SIPA1L1: variants seen among roughly 807,000 people sequenced by gnomAD.
SIPA1L1 encodes the protein signal induced proliferation associated 1 like 1.
A neutral mutation model predicts 162.7 loss-of-function variants in SIPA1L1; 26 were observed. That is an observed-to-expected ratio of 0.16 (90% CI 0.12 to 0.22). The LOEUF (loss-of-function observed/expected upper bound fraction) is 0.22. SIPA1L1 is among the 10% of genes least tolerant of loss of function. The probability of loss-of-function intolerance (pLI) is 1.00; values close to 1 mark genes in which losing one functional copy is unlikely to be tolerated. For missense variants in SIPA1L1, 1,874 were observed against 2,241.0 expected (o/e 0.84, Z 3.31); for synonymous variants, 829 against 837.4 (o/e 0.99, Z 0.17).
intron 2 of SIPA1L1, among the ~76,000 whole-genome samples, chr14:71,397,832 A>G (rs185676294): frequency 1.5e-3 from 225 of 152,146 alleles, no homozygotes; most frequent in Non-Finnish European, 2.6e-3. Context: ...AAAAGCCACT[A>G]TTTCATCTTG....
intron 7 of SIPA1L1, among the ~76,000 whole-genome samples, chr14:71,646,697 C>G (rs1411658805): frequency 6.6e-6 from 1 of 152,214 alleles, no homozygotes; most frequent in Non-Finnish European, 1.5e-5. Flanking sequence ...CAGCACTTCC[C>G]TCAGTGCTTC....
At chr14:71,545,598 T>C (rs1219991651) in intron 4 of SIPA1L1, among the ~76,000 whole-genome samples, 1 of 152,146 alleles carries the variant, frequency 6.6e-6, no homozygotes, top group Non-Finnish European at 1.5e-5. Context: ...TGTGTGTGTG[T>C]GTGTAGTTGT....
chr14:71,497,719 G>T (rs920818809), intron 2 of SIPA1L1: 1 of 152,180 alleles, frequency 6.6e-6, no homozygotes, highest in East Asian at 1.9e-4. Flanking sequence ...CCATTGTGTG[G>T]ATATACCAAT....
chr14:71,732,008 A>G (rs779102924), intron 20 of SIPA1L1, among the ~76,000 whole-genome samples: 2 of 152,226 alleles, frequency 1.3e-5, no homozygotes, highest in Non-Finnish European at 2.9e-5. Flanking sequence ...ATAAAAGGGC[A>G]GAAGGGTTGT....
Position 71,685,502 on chromosome 14 carries a change from C to T in SIPA1L1, c.3245C>T (p.Pro1082Leu), listed in dbSNP as rs756971961. ...ASKGPHSPQV[P>L]SQVQSPMTSR... ...AAGGGGCCTCATTCACCTCAAGTCCCGTCCCAGGTGCAGAGTCCCATGACC... is the reference window on the plus strand; with the variant it reads ...AAGGGGCCTCATTCACCTCAAGTCCTGTCCCAGGTGCAGAGTCCCATGACC... The change falls in exon 13 of 24, where the codon CCG (proline) becomes CTG (leucine). Residue 1082 changes from proline to leucine, a missense_variant. Physicochemically the swap from Pro to Leu is moderately conservative, Grantham distance 98. Coordinates refer to ENST00000381232, the MANE Select transcript of SIPA1L1 (RefSeq NM_001386936.1). 13 of 1,614,084 alleles carry T rather than the reference C, an allele frequency of 8.1e-6. No homozygotes were observed. Among genetic ancestry groups the T allele is most frequent in the East Asian group, 2.2e-5 (1 of 44,892 alleles).
chr14:71,429,900 TCTG>T (rs1371508680), intron 2 of SIPA1L1, among the ~76,000 whole-genome samples: 3 of 152,284 alleles, frequency 2.0e-5, no homozygotes, highest in Admixed American at 2.0e-4. Context: ...AATAAAGAAT[TCTG>T]CTGTTGAATA....
chr14:71,649,049 T>A (rs868067280), intron 7 of SIPA1L1, among the ~76,000 whole-genome samples: 2 of 152,220 alleles, frequency 1.3e-5, no homozygotes, highest in African/African-American at 4.8e-5. Context: ...ATTCAATAAA[T>A]GTTAGCTATT....
At chr14:71,635,190 A>G (rs2041012102) in intron 7 of SIPA1L1, among the ~76,000 whole-genome samples, 1 of 152,022 alleles carries the variant, frequency 6.6e-6, no homozygotes, top group Non-Finnish European at 1.5e-5. Context: ...GAGGCAAGAT[A>G]ATCACTTGAA....
intron 2 of SIPA1L1, among the ~76,000 whole-genome samples, chr14:71,427,747 AT>A (rs2043683575): frequency 6.7e-6 from 1 of 150,034 alleles, no homozygotes; most frequent in African/African-American, 2.5e-5. Context: ...AACTTCAAAA[AT>A]TTTTTTCTGG....
intron 2 of SIPA1L1, among the ~76,000 whole-genome samples, chr14:71,469,194 C>T (rs1415354525): frequency 6.6e-6 from 1 of 151,968 alleles, no homozygotes; most frequent in Non-Finnish European, 1.5e-5. Flanking sequence ...TCCGCAGAGT[C>T]CACTGGAGTC....
At chr14:71,617,106 T>C (rs928441568) in intron 5 of SIPA1L1, among the ~76,000 whole-genome samples, 1 of 152,226 alleles carries the variant, frequency 6.6e-6, no homozygotes, top group Non-Finnish European at 1.5e-5. Context: ...GCTCCTTCAG[T>C]AAATGGCCCC....
chr14:71,444,775 C>G (rs2045216503), intron 2 of SIPA1L1, among the ~76,000 whole-genome samples: 1 of 152,148 alleles, frequency 6.6e-6, no homozygotes, highest in Non-Finnish European at 1.5e-5. Context: ...GACTTTCTAC[C>G]TGCATACTGT....
intron 2 of SIPA1L1, among the ~76,000 whole-genome samples, chr14:71,352,056 T>C (rs902296706): frequency 6.6e-6 from 1 of 151,662 alleles, no homozygotes; most frequent in African/African-American, 2.4e-5. Context: ...ACAGTGAGAC[T>C]GGTGGAAATA....
At chr14:71,615,434 A>T (rs1010967645) in intron 5 of SIPA1L1, among the ~76,000 whole-genome samples, 1 of 152,204 alleles carries the variant, frequency 6.6e-6, no homozygotes, top group Non-Finnish European at 1.5e-5. Context: ...ATTAAGTTGG[A>T]TAAAAACAAA....
intron 2 of SIPA1L1, among the ~76,000 whole-genome samples, chr14:71,432,574 A>G (rs2044075388): frequency 6.6e-6 from 1 of 152,140 alleles, no homozygotes; most frequent in Admixed American, 6.6e-5. Context: ...GCTCTGAGGA[A>G]AGGGATTTCT....
intron 2 of SIPA1L1, among the ~76,000 whole-genome samples, chr14:71,446,957 G>C (rs2045448810): frequency 8.0e-6 from 1 of 124,322 alleles, no homozygotes; most frequent in South Asian, 2.6e-4. Context: ...TGTTTCCCAG[G>C]CTGGAGTGCA....
rs144524244 is a variant in SIPA1L1 at position 71,598,186 on chromosome 14, A to G, written c.1498+8816A>G. On this transcript the variant is annotated intron_variant, in intron 5 of 23. Transcript: ENST00000381232. ...GTCATGGTGGTTACCAAGACCACCA[A>G]TTGATCCCCACAGGCACAAAACGCC... 205 of 985,200 alleles carry G rather than the reference A, an allele frequency of 2.1e-4. 1 individual carries two copies. The East Asian group carries it at 6.1e-3, about 29-fold the overall frequency. 61.0% of individuals were successfully genotyped at this position (985,200 alleles called of 1,614,324 possible).
At chr14:71,385,318 T>C (rs1421478061) in intron 2 of SIPA1L1, among the ~76,000 whole-genome samples, 3 of 152,154 alleles carry the variant, frequency 2.0e-5, no homozygotes, top group African/African-American at 7.2e-5. Flanking sequence ...GAGTGAGGAC[T>C]AAAGGAAAGT....
intron 2 of SIPA1L1, among the ~76,000 whole-genome samples, chr14:71,464,372 G>T (rs1045923140): frequency 6.6e-6 from 1 of 152,164 alleles, no homozygotes; most frequent in Non-Finnish European, 1.5e-5. Flanking sequence ...GCCAGGCATG[G>T]CAGCTCACGC....
Sources: allele counts gnomAD v4.1 joint callset (sites outside exome capture counted in the v4.1 genomes callset), GRCh38; gene constraint gnomAD v4.1.1; transcripts MANE v1.5; gene names NCBI Gene and HGNC (gene_info 2026-07-23, HGNC 2026-07-21).